MAOA: variants seen among roughly 807,000 people sequenced by gnomAD.
MAOA encodes the protein monoamine oxidase A, also known as amine oxidase [flavin-containing] A.
Under a neutral mutation model 42.0 loss-of-function variants are expected in MAOA, and 6 were observed. The observed-to-expected ratio is 0.14, with a 90% CI of 0.08 to 0.28. The LOEUF (loss-of-function observed/expected upper bound fraction) is 0.28. Ranked by LOEUF, MAOA falls within the 10% of genes least tolerant of loss-of-function variation. MAOA has a pLI of 1.00. For synonymous variants in MAOA, 140 were observed against 154.0 expected (o/e 0.91, Z 0.67); for missense variants, 262 against 422.3 (o/e 0.62, Z 3.33).
chrX:43,738,351 C>T (rs1191720654), intron 10 of MAOA, among the ~76,000 whole-genome samples: 5 of 111,922 alleles, frequency 4.5e-5, no homozygotes, highest in Non-Finnish European at 9.4e-5. Flanking sequence ...AGATAATTTC[C>T]TATGTTTGTG....
rs1004350064 is a variant in MAOA, at chrX:43,745,260, C to G, written c.*747C>G. 8.9e-6 allele frequency: 1 copy of G among 112,244 alleles called. No homozygotes were observed. Among genetic ancestry groups the G allele is most frequent in the Non-Finnish European group, 1.9e-5 (1 of 53,522 alleles). 9.3% of individuals were successfully genotyped at this position (112,244 alleles called of 1,213,427 possible). ...CTTGCTGTGACTTATGTGCAGCTTT[C>G]CAGTTGAGCAGAGGAAAATAGTGGC... is the stretch of plus-strand genomic sequence containing the variant. On this transcript the variant is annotated 3_prime_UTR_variant, in exon 15 of 15. Transcript: ENST00000338702.
At chrX:43,696,501 G>A (rs1269305798) in intron 3 of MAOA, among the ~76,000 whole-genome samples, 2 of 111,459 alleles carry the variant, frequency 1.8e-5, no homozygotes, top group Admixed American at 9.5e-5. Context: ...AGGCCGAGGC[G>A]GGCAGATCAT....
intron 2 of MAOA, among the ~76,000 whole-genome samples, chrX:43,684,874 C>CTTTTTTTTTTTTTTT (rs201207592): frequency 4.2e-4 from 25 of 59,609 alleles, no homozygotes; most frequent in South Asian, 7.4e-4. Context: ...CTTTTCTTTT[C>CTTTTTTTTTTTTTTT]TTTTTTTTTT....
chrX:43,732,463 C>T (rs1166457824), intron 8 of MAOA, among the ~76,000 whole-genome samples: 1 of 111,127 alleles, frequency 9.0e-6, no homozygotes, highest in Non-Finnish European at 1.9e-5. Context: ...CATGCATTGG[C>T]TGGTCATAAG....
At chrX:43,735,245 G>C (rs1328789390) in intron 9 of MAOA, among the ~76,000 whole-genome samples, 1 of 111,771 alleles carries the variant, frequency 8.9e-6, no homozygotes, top group Non-Finnish European at 1.9e-5. Flanking sequence ...TGTCCTTTTG[G>C]TCTTGAATAA....
intron 7 of MAOA, 89 bp downstream of exon 7, chrX:43,731,479 A>G: frequency 3.0e-6 from 3 of 1,006,371 alleles, no homozygotes; most frequent in Non-Finnish European, 2.8e-6. Context: ...GCAGTAGCAT[A>G]ATTAATGCTG....
intron 1 of MAOA, among the ~76,000 whole-genome samples, chrX:43,667,419 A>G (rs2033291941): frequency 9.0e-6 from 1 of 111,444 alleles, no homozygotes; most frequent in African/African-American, 3.3e-5. Flanking sequence ...GTAAGAGTGC[A>G]ATATTATTTG....
At chrX:43,723,773 TG>T (rs2033810214) in intron 5 of MAOA, among the ~76,000 whole-genome samples, 1 of 111,921 alleles carries the variant, frequency 8.9e-6, no homozygotes, top group African/African-American at 3.3e-5. Flanking sequence ...TCAAAGGGAA[TG>T]CTTCCAGTTT....
intron 1 of MAOA, among the ~76,000 whole-genome samples, chrX:43,666,876 A>G (rs1185771632): frequency 4.6e-5 from 5 of 108,741 alleles, no homozygotes; most frequent in Non-Finnish European, 7.6e-5. Flanking sequence ...ATATACTTGC[A>G]TGGCTCACTT....
rs765619811 is a variant in MAOA at position 43,712,006 on chromosome X, C to G, written c.411+30C>G. ...AATGTGTGTTCAGTTTGCACATGACCCATTACTGAAATAACAATGGCAACT... is the reference window on the plus strand; with the variant it reads ...AATGTGTGTTCAGTTTGCACATGACGCATTACTGAAATAACAATGGCAACT... On this transcript the variant is annotated intron_variant, in intron 4 of 14. Coordinates refer to ENST00000338702, the MANE Select transcript of MAOA (RefSeq NM_000240.4). The G allele has an allele frequency of 7.0e-6, 7 of 996,935 alleles. No individual in the cohort carries two copies. The South Asian group carries it at 1.3e-4, about 19-fold the overall frequency. 82.2% of individuals were successfully genotyped at this position (996,935 alleles called of 1,213,427 possible). A position where few individuals can be genotyped will look rare whatever the true frequency, so the allele number is the denominator to read the frequency against.
chrX:43,728,439 T>C (rs947551835), intron 6 of MAOA, 125 bp downstream of exon 6: 1 of 791,060 alleles, frequency 1.3e-6, no homozygotes, highest in African/African-American at 2.1e-5. Context: ...CATGAAATGA[T>C]CTCAAAAGAT....
intron 5 of MAOA, among the ~76,000 whole-genome samples, chrX:43,716,077 T>TAATC (rs373562772): frequency 2.2e-4 from 24 of 108,712 alleles, no homozygotes; most frequent in African/African-American, 8.1e-4. Context: ...TATCTTCCAG[T>TAATC]AATCACCCAA....
At chrX:43,695,173 T>C (rs747344383) in intron 3 of MAOA, among the ~76,000 whole-genome samples, 1 of 111,822 alleles carries the variant, frequency 8.9e-6, no homozygotes, top group Non-Finnish European at 1.9e-5. Context: ...TGAATGGAGA[T>C]GTGCTGGACC....
At chrX:43,693,807 A>G (rs1009660128) in intron 3 of MAOA, among the ~76,000 whole-genome samples, 1 of 108,051 alleles carries the variant, frequency 9.3e-6, no homozygotes, top group Non-Finnish European at 1.9e-5. Flanking sequence ...ACACACACGC[A>G]CACTCCCCTC....
chrX:43,662,831 A>G (rs891615279), intron 1 of MAOA, among the ~76,000 whole-genome samples: 35 of 110,925 alleles, frequency 3.2e-4, no homozygotes, highest in Non-Finnish European at 4.9e-4. Flanking sequence ...TTTCATTGTA[A>G]TTAGAACTTC....
intron 2 of MAOA, among the ~76,000 whole-genome samples, chrX:43,687,789 C>T (rs898372081): frequency 3.6e-5 from 4 of 112,515 alleles, no homozygotes; most frequent in African/African-American, 1.3e-4. Flanking sequence ...TTCGAAAAAA[C>T]TCAGAGTCAT....
intron 2 of MAOA, among the ~76,000 whole-genome samples, chrX:43,689,064 G>A (rs1223115267): frequency 9.1e-6 from 1 of 109,945 alleles, no homozygotes. Context: ...GATTCAGGGG[G>A]TACAGGATTT....
chrX:43,718,299 G>A (rs1292280197), intron 5 of MAOA, among the ~76,000 whole-genome samples: 10 of 106,264 alleles, frequency 9.4e-5, no homozygotes, highest in Non-Finnish European at 1.9e-4. Flanking sequence ...TAGTAGTGGG[G>A]GAGACAGGGT....
At chrX:43,676,648 A>G (rs182869429) in intron 1 of MAOA, among the ~76,000 whole-genome samples, 2 of 111,714 alleles carry the variant, frequency 1.8e-5, no homozygotes, top group African/African-American at 6.5e-5. Flanking sequence ...TTATTTCAAC[A>G]AATATTTCCT....
Sources: allele counts gnomAD v4.1 joint callset (sites outside exome capture counted in the v4.1 genomes callset), GRCh38; gene constraint gnomAD v4.1.1; transcripts MANE v1.5; gene names NCBI Gene and HGNC (gene_info 2026-07-23, HGNC 2026-07-21).